ADAMTS18: variants seen among roughly 807,000 people sequenced by gnomAD.
ADAMTS18 encodes the protein ADAM metallopeptidase with thrombospondin type 1 motif 18.
A neutral mutation model predicts 165.9 loss-of-function variants in ADAMTS18; 157 were observed. That is an observed-to-expected ratio of 0.95 (90% confidence interval 0.83 to 1.08). The LOEUF is 1.08. Among genes scored for constraint, ADAMTS18 ranks in the 50% least tolerant of loss-of-function variants. The pLI is 0.00. For missense variants in ADAMTS18, 2,040 were observed against 1,534.0 expected (o/e 1.33, Z -5.51); for synonymous variants, 782 against 578.2 (o/e 1.35, Z -5.06).
At chr16:77,389,786 A>G (rs1314728348) in intron 3 of ADAMTS18, among the ~76,000 whole-genome samples, 1 of 152,224 alleles carries the variant, frequency 6.6e-6, no homozygotes, top group Non-Finnish European at 1.5e-5. Flanking sequence ...TGAAATAGAG[A>G]CAGGAGCTCA....
In ADAMTS18 at chr16:77,283,770, C is replaced by T. The variant is rs138779514; in HGVS notation, c.*186G>A. The T allele has an allele frequency of 3.9e-5, 23 of 594,748 alleles. No individual in the cohort carries two copies. Among genetic ancestry groups the T allele is most frequent in the Non-Finnish European group, 6.3e-5 (21 of 332,816 alleles). 36.8% of individuals were successfully genotyped at this position (594,748 alleles called of 1,614,324 possible). A position where few individuals can be genotyped will look rare whatever the true frequency, so the allele number is the denominator to read the frequency against. On this transcript the variant is annotated 3_prime_UTR_variant, in exon 23 of 23. Transcript: ENST00000282849. ...CATTTTCAAGTGCTTCAGAGTACCA[C>T]GTGCTTCAGGGAATTGAGCTAGAAG...
intron 3 of ADAMTS18, among the ~76,000 whole-genome samples, chr16:77,369,577 G>A (rs554509821): frequency 2.0e-5 from 3 of 152,092 alleles, no homozygotes; most frequent in Non-Finnish European, 4.4e-5. Flanking sequence ...AACCAATAAC[G>A]AGTTAAGGAG....
intron 14 of ADAMTS18, among the ~76,000 whole-genome samples, chr16:77,321,425 C>A (rs571842923): frequency 1.3e-5 from 2 of 152,168 alleles, no homozygotes; most frequent in Non-Finnish European, 2.9e-5. Context: ...AAGGCTTAGA[C>A]TCTTCATCAA....
At chr16:77,402,581 C>T (rs2057344918) in intron 3 of ADAMTS18, among the ~76,000 whole-genome samples, 1 of 152,192 alleles carries the variant, frequency 6.6e-6, no homozygotes. Flanking sequence ...TTAAGTCCCA[C>T]ATTTAGGCAG....
At chr16:77,402,968 G>A (rs1210327674) in intron 3 of ADAMTS18, among the ~76,000 whole-genome samples, 1 of 152,154 alleles carries the variant, frequency 6.6e-6, no homozygotes, top group Non-Finnish European at 1.5e-5. Flanking sequence ...CAATCACATG[G>A]TGATACATTA....
intron 3 of ADAMTS18, among the ~76,000 whole-genome samples, chr16:77,421,392 G>A (rs543980456): frequency 3.3e-5 from 5 of 152,326 alleles, no homozygotes; most frequent in African/African-American, 9.6e-5. Flanking sequence ...TCACAGAGAC[G>A]TGTACAAAGT....
At chr16:77,353,416 T>C (rs2056584157) in intron 10 of ADAMTS18, among the ~76,000 whole-genome samples, 1 of 152,206 alleles carries the variant, frequency 6.6e-6, no homozygotes, top group Non-Finnish European at 1.5e-5. Flanking sequence ...AATAGGATCA[T>C]ATAGAGAACA....
intron 3 of ADAMTS18, among the ~76,000 whole-genome samples, chr16:77,379,191 T>C (rs1156798946): frequency 6.6e-6 from 1 of 152,178 alleles, no homozygotes. Context: ...ATGAGGCGCC[T>C]TCTTGGGCCT....
At chr16:77,294,875 G>C (rs779132393) in intron 19 of ADAMTS18, 48 bp downstream of exon 19, 6 of 1,579,376 alleles carry the variant, frequency 3.8e-6, no homozygotes, top group Non-Finnish European at 5.2e-6. Flanking sequence ...CTCTACTTTT[G>C]CCTTCATGGG....
At chr16:77,382,112 T>C (rs1166325913) in intron 3 of ADAMTS18, among the ~76,000 whole-genome samples, 4 of 152,210 alleles carry the variant, frequency 2.6e-5, no homozygotes, top group African/African-American at 7.2e-5. Context: ...TCCACATATA[T>C]TTGGGAGAGA....
At chr16:77,368,142 C>T (rs1308843602) in intron 3 of ADAMTS18, among the ~76,000 whole-genome samples, 1 of 152,166 alleles carries the variant, frequency 6.6e-6, no homozygotes, top group East Asian at 1.9e-4. Flanking sequence ...AGTCACCGTA[C>T]CTGGCTGGAC....
At chr16:77,409,127 G>A (rs981345353) in intron 3 of ADAMTS18, among the ~76,000 whole-genome samples, 2 of 152,018 alleles carry the variant, frequency 1.3e-5, no homozygotes, top group South Asian at 2.1e-4. Flanking sequence ...GGCATCCACC[G>A]GAGGTACTGG....
chr16:77,363,587 T>C (rs867279566), intron 6 of ADAMTS18, among the ~76,000 whole-genome samples: 7 of 151,398 alleles, frequency 4.6e-5, no homozygotes, highest in Non-Finnish European at 7.4e-5. Flanking sequence ...TACATATGCA[T>C]ATATAAATAT....
chr16:77,431,846 T>C (rs2057744374), intron 2 of ADAMTS18: 3 of 572,118 alleles, frequency 5.2e-6, no homozygotes, highest in Admixed American at 3.0e-5. Context: ...TTTTGATGAA[T>C]TTCATGGATG....
At chr16:77,431,728 T>C in intron 2 of ADAMTS18, 117 bp from the exon 3 acceptor site, 1 of 1,059,242 alleles carries the variant, frequency 9.4e-7, no homozygotes, top group Admixed American at 1.7e-5. Context: ...TCCTATTGCC[T>C]TGCACCTAGA....
chr16:77,303,413 G>C (rs62044019), intron 16 of ADAMTS18, among the ~76,000 whole-genome samples: 35,764 of 152,076 alleles, frequency 0.24, 4,593 homozygotes, highest in East Asian at 0.4. Flanking sequence ...TCCCTGAAAG[G>C]CTGCTCATAG....
chr16:77,355,996 G>A lies in ADAMTS18; in HGVS notation c.1404C>T (p.Asn468=), dbSNP rs754283808. 6.2e-7 allele frequency: 1 copy of A among 1,614,058 alleles called. No individual in the cohort carries two copies. Among genetic ancestry groups the A allele is most frequent in the African/African-American group, 1.3e-5 (1 of 75,018 alleles). Residue 468 remains asparagine, a synonymous_variant, in exon 9 of 23, where the codon AAC becomes AAT. Coordinates refer to ENST00000282849, the MANE Select transcript of ADAMTS18 (RefSeq NM_199355.4). ...AGGAAGACCATGAAAACACTCCATT[G>A]TTTCCGGTCAGTGTGGGAGACATGA... is the stretch of plus-strand genomic sequence containing the variant. ...GNIMSPTLTG[N]NGVFSWSSCS... is the part of the protein sequence containing the mutation.
At position 77,322,454 on chromosome 16, in the gene ADAMTS18, C is replaced by T; in HGVS notation, c.2045G>A (p.Cys682Tyr). ...GTTCTCAGCCTTGCAGTACAGTTTGCATCGATCTTCCTCTAGAAACAAAGA... is the reference window on the plus strand; with the variant it reads ...GTTCTCAGCCTTGCAGTACAGTTTGTATCGATCTTCCTCTAGAAACAAAGA... The part of the protein sequence containing the change: ...PYTKVEEEDR[C>Y]KLYCKAENFE... The change falls in exon 14 of 23, where the codon TGC (cysteine) becomes TAC (tyrosine). Residue 682 changes from cysteine to tyrosine, a missense_variant. Physicochemically the swap from Cys to Tyr is radical, Grantham distance 194 (BLOSUM62 -2). Transcript: ENST00000282849. The T allele has an allele frequency of 6.2e-7, 1 of 1,613,986 alleles. No individual in the cohort carries two copies. Among genetic ancestry groups the T allele is most frequent in the Non-Finnish European group, 8.5e-7 (1 of 1,179,946 alleles).
chr16:77,353,990 G>T, intron 9 of ADAMTS18, 104 bp from the exon 10 acceptor site: 1 of 1,384,518 alleles, frequency 7.2e-7, no homozygotes, highest in Non-Finnish European at 1.0e-6. Context: ...AATATAGCAT[G>T]GTTCTAGAAA....
Sources: gnomAD v4.1 joint callset for allele counts (sites outside exome capture counted in the v4.1 genomes callset) on GRCh38, gnomAD v4.1.1 for gene constraint, MANE v1.5 for transcripts, NCBI Gene and HGNC (gene_info 2026-07-23, HGNC 2026-07-21) for gene names.